CPED1: variants seen among roughly 807,000 people sequenced by gnomAD.
CPED1 encodes the protein cadherin-like and PC-esterase domain-containing protein 1.
Under a neutral mutation model 128.2 loss-of-function variants are expected in CPED1, and 114 were observed. The observed-to-expected ratio is 0.89, with a 90% confidence interval of 0.76 to 1.04. The LOEUF is 1.04. CPED1 is among the 50% of genes least tolerant of loss of function. The probability of loss-of-function intolerance (pLI) is 0.00; values close to 1 mark genes in which losing one functional copy is unlikely to be tolerated. For synonymous variants in CPED1, 462 were observed against 426.7 expected (o/e 1.08, Z -1.02); for missense variants, 1,211 against 1,207.1 (o/e 1.00, Z -0.05).
intron 16 of CPED1, among the ~76,000 whole-genome samples, chr7:121,163,112 T>C (rs550026789): frequency 3.3e-5 from 5 of 152,208 alleles, no homozygotes; most frequent in Non-Finnish European, 5.9e-5. Context: ...AAGATGTCTA[T>C]GAAATATCTA....
intron 22 of CPED1, among the ~76,000 whole-genome samples, chr7:121,274,413 A>G (rs1792293017): frequency 6.6e-6 from 1 of 150,568 alleles, no homozygotes; most frequent in Non-Finnish European, 1.5e-5. Flanking sequence ...TAATTATCAC[A>G]CATAACTCGC....
At chr7:120,991,924 C>T (rs1796316174) in intron 2 of CPED1, among the ~76,000 whole-genome samples, 1 of 152,092 alleles carries the variant, frequency 6.6e-6, no homozygotes, top group Non-Finnish European at 1.5e-5. Context: ...TAACCTATGC[C>T]AGCCCCTGGA....
chr7:121,146,686 T>G (rs1796031578), intron 16 of CPED1, among the ~76,000 whole-genome samples: 1 of 152,182 alleles, frequency 6.6e-6, no homozygotes. Context: ...AGACATTTTA[T>G]CAAACATTAT....
chr7:121,093,476 GC>G (rs1044383581), intron 5 of CPED1, among the ~76,000 whole-genome samples: 4 of 151,474 alleles, frequency 2.6e-5, no homozygotes, highest in African/African-American at 9.7e-5. Context: ...GAAGACTAGG[GC>G]CAAAACTTGT....
intron 5 of CPED1, 49 bp from the exon 6 acceptor site, chr7:121,097,650 A>G: frequency 6.2e-7 from 1 of 1,605,218 alleles, no homozygotes; most frequent in Non-Finnish European, 8.5e-7. Flanking sequence ...AAGCAGTTCC[A>G]GAAAGAAACA....
At chr7:121,271,960 C>A (rs2116756692) in intron 22 of CPED1, among the ~76,000 whole-genome samples, 1 of 152,216 alleles carries the variant, frequency 6.6e-6, no homozygotes, top group South Asian at 2.1e-4. Flanking sequence ...TAGCCTAAAA[C>A]TATTTTATTC....
intron 7 of CPED1, among the ~76,000 whole-genome samples, chr7:121,112,671 A>G (rs1032339735): frequency 2.0e-5 from 3 of 152,220 alleles, no homozygotes; most frequent in Admixed American, 2.0e-4. Context: ...AGGAGTTTAC[A>G]TCACATTTGC....
chr7:121,190,722 T>G (rs912092250), intron 16 of CPED1, among the ~76,000 whole-genome samples: 1 of 152,136 alleles, frequency 6.6e-6, no homozygotes, highest in Non-Finnish European at 1.5e-5. Flanking sequence ...CTACTTTTAT[T>G]TTCCAGTATC....
chr7:121,114,300 T>G (rs1251357986), intron 7 of CPED1, among the ~76,000 whole-genome samples: 2 of 152,152 alleles, frequency 1.3e-5, no homozygotes, highest in Non-Finnish European at 2.9e-5. Context: ...CACTGACAGC[T>G]TATAGTACTG....
intron 17 of CPED1, 139 bp downstream of exon 17, chr7:121,236,970 AATGT>A (rs1798274059): frequency 2.3e-6 from 1 of 441,446 alleles, no homozygotes; most frequent in Non-Finnish European, 4.0e-6. Flanking sequence ...GCATATAATT[AATGT>A]AAGTGCATTG....
At chr7:121,047,199 C>T (rs1309158849) in intron 4 of CPED1, among the ~76,000 whole-genome samples, 1 of 152,198 alleles carries the variant, frequency 6.6e-6, no homozygotes, top group Non-Finnish European at 1.5e-5. Flanking sequence ...TCAGCTGCTG[C>T]AGATATTGTT....
intron 16 of CPED1, among the ~76,000 whole-genome samples, chr7:121,197,606 A>G (rs1013938754): frequency 6.6e-6 from 1 of 152,060 alleles, no homozygotes; most frequent in African/African-American, 2.4e-5. Flanking sequence ...AATAATTGCT[A>G]CAGTCGAGTG....
chr7:121,045,822 G>T (rs577307539), intron 3 of CPED1, among the ~76,000 whole-genome samples: 2 of 151,568 alleles, frequency 1.3e-5, no homozygotes, highest in African/African-American at 2.4e-5. Flanking sequence ...ACCCAGAGGG[G>T]TTTTTTCCTG....
intron 2 of CPED1, 32 bp from the exon 3 acceptor site, chr7:121,015,633 T>C (rs745466548): frequency 3.8e-5 from 59 of 1,568,074 alleles, no homozygotes; most frequent in Non-Finnish European, 4.5e-5. Flanking sequence ...TACTACTTTT[T>C]TATATTGAAT....
chr7:121,254,778 C>G (rs1798765547), intron 18 of CPED1, among the ~76,000 whole-genome samples: 1 of 151,886 alleles, frequency 6.6e-6, no homozygotes. Flanking sequence ...ATGAATAACT[C>G]TTTGCACACA....
intron 22 of CPED1, among the ~76,000 whole-genome samples, chr7:121,292,503 G>T (rs1792727850): frequency 6.6e-6 from 1 of 151,944 alleles, no homozygotes; most frequent in African/African-American, 2.4e-5. Context: ...CCCACCTTCT[G>T]AAGCCTACTT....
rs1460203818 is a variant in CPED1, at chr7:121,297,045, A to T, written c.*1393A>T. 2 of 152,044 alleles carry T rather than the reference A, an allele frequency of 1.3e-5. No homozygotes were observed. The highest frequency in any genetic ancestry group is 6.5e-5 in the Admixed American group (1 of 15,274). The allele number at this position is 152,044 out of a possible 1,614,324, so 9.4% of individuals were successfully genotyped here. Reference sequence around the variant, plus strand: ...GAAGATAAACATGAATTTATATTTAACTGTCTTAAATTATATTTACATAAA... The same window carrying T: ...GAAGATAAACATGAATTTATATTTATCTGTCTTAAATTATATTTACATAAA... On this transcript the variant is annotated 3_prime_UTR_variant, in exon 23 of 23. Transcript: ENST00000310396.
At chr7:121,293,356 C>T (rs1792751885) in intron 22 of CPED1, among the ~76,000 whole-genome samples, 2 of 152,152 alleles carry the variant, frequency 1.3e-5, no homozygotes, top group African/African-American at 4.8e-5. Flanking sequence ...ACCCCTACCC[C>T]CACCAAGCTC....
At chr7:121,192,295 C>G (rs533395584) in intron 16 of CPED1, among the ~76,000 whole-genome samples, 3 of 152,184 alleles carry the variant, frequency 2.0e-5, no homozygotes, top group African/African-American at 7.2e-5. Flanking sequence ...TTTTTGAGTA[C>G]TGACATGAGG....
Sources: allele counts gnomAD v4.1 joint callset (sites outside exome capture counted in the v4.1 genomes callset), GRCh38; gene constraint gnomAD v4.1.1; transcripts MANE v1.5; gene names NCBI Gene and HGNC (gene_info 2026-07-23, HGNC 2026-07-21).